The following PALLD variants were observed in gnomAD, a reference collection of about 807,000 sequenced individuals.
PALLD encodes the protein palladin.
Under a neutral mutation model 123.5 loss-of-function variants are expected in PALLD, and 61 were observed. The observed-to-expected ratio is 0.49, with a 90% CI of 0.40 to 0.61. The LOEUF is 0.61. Among genes scored for constraint, PALLD ranks in the 20% least tolerant of loss-of-function variants. PALLD has a pLI of 0.00. For missense variants in PALLD, 1,273 were observed against 1,377.0 expected (o/e 0.92, Z 1.20); for synonymous variants, 465 against 496.4 (o/e 0.94, Z 0.84).
intron 10 of PALLD, among the ~76,000 whole-genome samples, chr4:168,771,432 C>A (rs572783440): frequency 2.6e-5 from 4 of 152,296 alleles, no homozygotes; most frequent in African/African-American, 9.6e-5. Flanking sequence ...GAACGGGCTG[C>A]AACAAGCCTT....
intron 1 of PALLD, among the ~76,000 whole-genome samples, chr4:168,505,472 T>A (rs1382188058): frequency 6.6e-6 from 1 of 152,392 alleles, no homozygotes; most frequent in South Asian, 2.1e-4. Flanking sequence ...TATGTTCATT[T>A]GGAACTAAAA....
intron 2 of PALLD, among the ~76,000 whole-genome samples, chr4:168,561,545 G>T (rs1767871098): frequency 6.6e-6 from 1 of 152,184 alleles, no homozygotes; most frequent in African/African-American, 2.4e-5. Context: ...AAAGCTCTGG[G>T]ACTACAGGTC....
chr4:168,904,775 G>A (rs1482800624), intron 15 of PALLD, among the ~76,000 whole-genome samples: 1 of 152,054 alleles, frequency 6.6e-6, no homozygotes, highest in African/African-American at 2.4e-5. Context: ...TTCTTTTGAA[G>A]AAAATATTTA....
Position 168,921,468 on chromosome 4 carries a change from C to G in PALLD, c.2851-66C>G. The G allele has an allele frequency of 4.2e-6, 4 of 941,426 alleles. No homozygotes were observed. In the South Asian group the frequency reaches 5.6e-5, roughly 13 times the overall value. 58.3% of individuals were successfully genotyped at this position (941,426 alleles called of 1,614,324 possible). ...CTGAAGGAGGAATTTATGCAGACTTCTTAGCTACCAGTGATTTCACTCTGT... is the reference window on the plus strand; with the variant it reads ...CTGAAGGAGGAATTTATGCAGACTTGTTAGCTACCAGTGATTTCACTCTGT... On this transcript the variant is annotated intron_variant, in intron 17 of 21. Transcript: ENST00000505667.
intron 10 of PALLD, among the ~76,000 whole-genome samples, chr4:168,799,859 T>C (rs921304298): frequency 6.6e-6 from 1 of 152,184 alleles, no homozygotes; most frequent in African/African-American, 2.4e-5. Flanking sequence ...CTATTTCCTA[T>C]GTATGTTTTC....
At chr4:168,855,734 C>T (rs75738105) in intron 10 of PALLD, among the ~76,000 whole-genome samples, 5,258 of 152,274 alleles carry the variant, frequency 0.035, 121 homozygotes, top group Middle Eastern at 0.058. Flanking sequence ...TTTACATGAC[C>T]GTCCTGAATA....
chr4:168,525,052 A>T (rs748632923), intron 2 of PALLD, among the ~76,000 whole-genome samples: 1 of 152,084 alleles, frequency 6.6e-6, no homozygotes, highest in Non-Finnish European at 1.5e-5. Context: ...TTTAATCCTT[A>T]TGTTTAGCTG....
chr4:168,713,647 A>C (rs921057379), intron 10 of PALLD, among the ~76,000 whole-genome samples: 10 of 152,214 alleles, frequency 6.6e-5, no homozygotes, highest in African/African-American at 2.4e-4. Flanking sequence ...TAATATCTAC[A>C]GAATGTAGAC....
At chr4:168,920,247 A>C (rs539474442) in intron 17 of PALLD, among the ~76,000 whole-genome samples, 2 of 152,302 alleles carry the variant, frequency 1.3e-5, no homozygotes, top group South Asian at 4.1e-4. Context: ...TCAGAAGCCA[A>C]GCTGCCTAAC....
At chr4:168,863,168 A>T (rs1581808097) in intron 10 of PALLD, among the ~76,000 whole-genome samples, 1 of 152,154 alleles carries the variant, frequency 6.6e-6, no homozygotes, top group Admixed American at 6.5e-5. Flanking sequence ...CTCTCACCCT[A>T]CTCAAGTTTG....
At chr4:168,799,977 A>G (rs969011642) in intron 10 of PALLD, among the ~76,000 whole-genome samples, 1 of 152,166 alleles carries the variant, frequency 6.6e-6, no homozygotes, top group Non-Finnish European at 1.5e-5. Context: ...ACACTTACAT[A>G]TTCTTACTTC....
chr4:168,585,795 CCAAA>C (rs2149670662), intron 2 of PALLD, among the ~76,000 whole-genome samples: 1 of 152,230 alleles, frequency 6.6e-6, no homozygotes, highest in African/African-American at 2.4e-5. Flanking sequence ...GCCAAGTTTC[CCAAA>C]CAATGTCAGA....
chr4:168,784,422 C>T (rs1379940170), intron 10 of PALLD, among the ~76,000 whole-genome samples: 4 of 152,076 alleles, frequency 2.6e-5, no homozygotes, highest in Admixed American at 1.3e-4. Context: ...AGTGAGGAAG[C>T]CACGTGGGAG....
chr4:168,802,584 G>A (rs1466456296), intron 10 of PALLD, among the ~76,000 whole-genome samples: 2 of 152,150 alleles, frequency 1.3e-5, no homozygotes, highest in African/African-American at 2.4e-5. Context: ...GAGTTGGTGC[G>A]GGGAGGACAT....
At chr4:168,561,033 T>C (rs1370305934) in intron 2 of PALLD, among the ~76,000 whole-genome samples, 3 of 152,048 alleles carry the variant, frequency 2.0e-5, no homozygotes, top group African/African-American at 7.2e-5. Context: ...AGGGAGGCAT[T>C]TCAGTGCCTG....
At chr4:168,751,656 C>T (rs368223564) in intron 10 of PALLD, among the ~76,000 whole-genome samples, 7 of 152,172 alleles carry the variant, frequency 4.6e-5, no homozygotes, top group African/African-American at 7.2e-5. Flanking sequence ...CACCAGGGCA[C>T]GGACTCCACA....
At chr4:168,569,039 G>T (rs191830308) in intron 2 of PALLD, among the ~76,000 whole-genome samples, 4 of 152,150 alleles carry the variant, frequency 2.6e-5, no homozygotes, top group Admixed American at 2.6e-4. Flanking sequence ...TTTACTTTTT[G>T]CAACAGCTGT....
At chr4:168,589,978 G>A (rs1771237081) in intron 2 of PALLD, among the ~76,000 whole-genome samples, 1 of 152,186 alleles carries the variant, frequency 6.6e-6, no homozygotes, top group Non-Finnish European at 1.5e-5. Flanking sequence ...TCACATGGTG[G>A]AAGAATTTAC....
chr4:168,900,259 A>G (rs1355926936), intron 14 of PALLD, among the ~76,000 whole-genome samples: 1 of 152,212 alleles, frequency 6.6e-6, no homozygotes, highest in Non-Finnish European at 1.5e-5. Flanking sequence ...CCATTTCAGC[A>G]TGAGATTTGG....
Sources: allele counts gnomAD v4.1 joint callset (sites outside exome capture counted in the v4.1 genomes callset), GRCh38; gene constraint gnomAD v4.1.1; transcripts MANE v1.5; gene names NCBI Gene and HGNC (gene_info 2026-07-23, HGNC 2026-07-21).